S100PBP: variants seen among roughly 807,000 people sequenced by gnomAD.
S100PBP encodes the protein S100P-binding protein.
A neutral mutation model predicts 39.9 loss-of-function variants in S100PBP; 15 were observed. The ratio of observed to expected loss-of-function variants is 0.38; its 90% CI spans 0.25 to 0.58. The LOEUF (loss-of-function observed/expected upper bound fraction) is 0.58. Among genes scored for constraint, S100PBP ranks in the 20% least tolerant of loss-of-function variants. The pLI, the probability that S100PBP is intolerant of heterozygous loss-of-function variation, is 0.70. For synonymous variants in S100PBP, 178 were observed against 180.3 expected (o/e 0.99, Z 0.10); for missense variants, 504 against 487.3 (o/e 1.03, Z -0.32).
At chr1:32,840,773 T>A (rs1640051506) in intron 5 of S100PBP, among the ~76,000 whole-genome samples, 1 of 152,228 alleles carries the variant, frequency 6.6e-6, no homozygotes, top group African/African-American at 2.4e-5. Context: ...ATTTGCATTT[T>A]CCTAATGAGT....
At chr1:32,843,388 G>A (rs1186001337) in intron 5 of S100PBP, among the ~76,000 whole-genome samples, 3 of 151,498 alleles carry the variant, frequency 2.0e-5, no homozygotes, top group Non-Finnish European at 2.9e-5. Flanking sequence ...GTGCAGTGGC[G>A]TGATCTCAGC....
intron 5 of S100PBP, among the ~76,000 whole-genome samples, chr1:32,838,871 C>T (rs1038862579): frequency 1.3e-5 from 2 of 151,708 alleles, no homozygotes; most frequent in African/African-American, 2.4e-5. Flanking sequence ...TGTAAGTGTA[C>T]ATTTCAGTGG....
chr1:32,853,276 C>A (rs1463658656), intron 6 of S100PBP, 110 bp downstream of exon 6: 5 of 66,562 alleles, frequency 7.5e-5, no homozygotes, highest in Non-Finnish European at 1.5e-4. Context: ...TCGTTTGAGA[C>A]CATCCTGGCT....
At chr1:32,817,070 A>T, upstream of S100PBP, 1 of 1,309,470 alleles carries the variant, frequency 7.6e-7, no homozygotes, top group African/African-American at 1.4e-5. Flanking sequence ...GCTCTCTCAG[A>T]GCTGCGCCAG....
At chr1:32,824,855 T>A (rs1639256134) in intron 1 of S100PBP, 1 of 145,928 alleles carries the variant, frequency 6.9e-6, no homozygotes, top group Admixed American at 7.2e-5. Flanking sequence ...TAAAGATTTG[T>A]GTGTGTGTGA....
chr1:32,817,281 A>G (rs1638777005), upstream of S100PBP: 1 of 1,612,670 alleles, frequency 6.2e-7, no homozygotes, highest in Non-Finnish European at 8.5e-7. Context: ...TCAGCCCGGC[A>G]CCAGAGCCCC....
intron 6 of S100PBP, among the ~76,000 whole-genome samples, chr1:32,854,152 C>T (rs1484098557): frequency 6.6e-6 from 1 of 152,146 alleles, no homozygotes; most frequent in Non-Finnish European, 1.5e-5. Flanking sequence ...ACCCCATATT[C>T]AGTCTATCAG....
chr1:32,844,139 C>A (rs1196878292), intron 5 of S100PBP, among the ~76,000 whole-genome samples: 1 of 152,058 alleles, frequency 6.6e-6, no homozygotes, highest in Non-Finnish European at 1.5e-5. Context: ...TGGTCTTGAA[C>A]TCCTGACCTT....
chr1:32,846,343 G>A (rs945013117), intron 5 of S100PBP, among the ~76,000 whole-genome samples: 1 of 149,026 alleles, frequency 6.7e-6, no homozygotes. Context: ...CATATAATTG[G>A]TAGCTGGGTC....
intron 5 of S100PBP, among the ~76,000 whole-genome samples, chr1:32,837,375 T>C (rs1639877812): frequency 6.9e-6 from 1 of 145,188 alleles, no homozygotes. Context: ...AGCCTCCACC[T>C]CCCAGGTTCA....
chr1:32,821,454 T>A (rs1462369938), intron 1 of S100PBP, among the ~76,000 whole-genome samples: 1 of 151,558 alleles, frequency 6.6e-6, no homozygotes, highest in South Asian at 2.1e-4. Flanking sequence ...CTCGAATAGC[T>A]GGGGTTATAG....
chr1:32,852,116 C>T (rs994388431), intron 5 of S100PBP, among the ~76,000 whole-genome samples: 4 of 152,068 alleles, frequency 2.6e-5, no homozygotes, highest in Non-Finnish European at 4.4e-5. Context: ...AATTGGAGTC[C>T]AGCCTCGCCA....
intron 1 of S100PBP, among the ~76,000 whole-genome samples, chr1:32,824,115 G>A (rs1569836945): frequency 6.6e-6 from 1 of 151,814 alleles, no homozygotes; most frequent in Admixed American, 6.6e-5. Flanking sequence ...GGAGAATGGC[G>A]TGAACCTGGG....
At chr1:32,818,276 C>T (rs1428211056) in intron 1 of S100PBP, 1 of 152,290 alleles carries the variant, frequency 6.6e-6, no homozygotes, top group African/African-American at 2.4e-5. Flanking sequence ...CGCAAAGGCC[C>T]TTCCTGGAAG....
intron 5 of S100PBP, among the ~76,000 whole-genome samples, chr1:32,842,527 G>C (rs968266457): frequency 1.3e-5 from 2 of 151,742 alleles, no homozygotes; most frequent in Admixed American, 6.6e-5. Context: ...ATTTCTTAAG[G>C]CTTGGTGGGA....
intron 5 of S100PBP, chr1:32,847,409 T>C (rs2148685771): frequency 6.6e-6 from 1 of 152,368 alleles, no homozygotes; most frequent in East Asian, 1.9e-4. Context: ...TTCAGTAGTC[T>C]GAAAGCACTT....
chr1:32,828,889 C>G (rs1009871980), intron 4 of S100PBP, among the ~76,000 whole-genome samples: 1 of 152,062 alleles, frequency 6.6e-6, no homozygotes, highest in African/African-American at 2.4e-5. Flanking sequence ...GTGGTCCCAG[C>G]TACGAGGAAG....
At position 32,817,708 on chromosome 1, in the gene S100PBP, G is replaced by T. The variant is rs534491159; in HGVS notation, c.-120+19G>T. On this transcript the variant is annotated intron_variant, in intron 1 of 6. Coordinates refer to ENST00000373475, the MANE Select transcript of S100PBP (RefSeq NM_022753.4). ...TCCGGAGGTGAAGAGCGGGAGGGAC[G>T]AGGGGGTCGGCGTTACCCGGCTTGG... 4 of 220,676 alleles carry T rather than the reference G, an allele frequency of 1.8e-5. No homozygotes were observed. The highest frequency in any genetic ancestry group is 3.8e-5 in the Non-Finnish European group (4 of 106,606). 13.7% of individuals were successfully genotyped at this position (220,676 alleles called of 1,614,324 possible). A position where few individuals can be genotyped will look rare whatever the true frequency, so the allele number is the denominator to read the frequency against.
chr1:32,851,955 G>A (rs566568159), intron 5 of S100PBP, among the ~76,000 whole-genome samples: 72 of 152,288 alleles, frequency 4.7e-4, no homozygotes, highest in African/African-American at 1.7e-3. Flanking sequence ...AGTCTCAATC[G>A]TTGAGTGCAA....
Sources: allele counts gnomAD v4.1 joint callset (sites outside exome capture counted in the v4.1 genomes callset), GRCh38; gene constraint gnomAD v4.1.1; transcripts MANE v1.5; gene names NCBI Gene and HGNC (gene_info 2026-07-23, HGNC 2026-07-21).